PCDHGA9: variants seen among roughly 807,000 people sequenced by gnomAD.
PCDHGA9 encodes the protein protocadherin gamma-A9.
In PCDHGA9, 37 loss-of-function variants were observed where a neutral mutation model predicts 62.5. The ratio of observed to expected loss-of-function variants is 0.59; its 90% CI spans 0.46 to 0.78. PCDHGA9 has a LOEUF of 0.78. Among genes scored for constraint, PCDHGA9 ranks in the 30% least tolerant of loss-of-function variants. The pLI is 0.00. For missense variants in PCDHGA9, 1,138 were observed against 1,166.2 expected (o/e 0.98, Z 0.35); for synonymous variants, 459 against 484.6 (o/e 0.95, Z 0.69).
Position 141,485,609 on chromosome 5 carries a change from G to C in PCDHGA9, c.2425-9198G>C, listed in dbSNP as rs1432367043. On this transcript the variant is annotated intron_variant, in intron 1 of 3. Coordinates refer to ENST00000573521, the MANE Select transcript of PCDHGA9 (RefSeq NM_018921.3). The surrounding 1 kb of genome is among the most constrained non-coding windows in gnomAD (Gnocchi z 5.7). ...GCTGGACTTGGAAATTGGGGAGGCA[G>C]CTCCTCCAGGACAGCGTTTCCCGTT... The C allele has an allele frequency of 1.2e-6, 2 of 1,612,138 alleles. No homozygotes were observed. Among genetic ancestry groups the C allele is most frequent in the Non-Finnish European group, 1.7e-6 (2 of 1,178,664 alleles).
At chr5:141,419,457 A>AGGCCCGCGACCAGGGCT in intron 1 of PCDHGA9, 2 of 1,612,728 alleles carry the variant, frequency 1.2e-6, no homozygotes, top group Non-Finnish European at 1.7e-6. Context: ...CTCACGCTGC[A>AGGCCCGCGACCAGGGCT]GGCCCGCGAC....
At chr5:141,418,912 ACT>A (rs1457793463) in intron 1 of PCDHGA9, 2 of 1,613,770 alleles carry the variant, frequency 1.2e-6, no homozygotes, top group Non-Finnish European at 1.7e-6. Flanking sequence ...TCATCACGTC[ACT>A]CTCTGATCAG....
At chr5:141,429,329 A>G (rs1561840804) in intron 1 of PCDHGA9, among the ~76,000 whole-genome samples, 1 of 152,122 alleles carries the variant, frequency 6.6e-6, no homozygotes, top group Non-Finnish European at 1.5e-5. Flanking sequence ...TCTTTAATCC[A>G]TTAACTATAA....
intron 1 of PCDHGA9, among the ~76,000 whole-genome samples, chr5:141,457,293 T>A (rs2098916185): frequency 6.6e-6 from 1 of 152,226 alleles, no homozygotes; most frequent in Admixed American, 6.5e-5. Context: ...TTCCTTGGTT[T>A]TATTTTCCCA....
chr5:141,470,488 T>A (rs2099231812), intron 1 of PCDHGA9, among the ~76,000 whole-genome samples: 2 of 152,234 alleles, frequency 1.3e-5, no homozygotes, highest in South Asian at 4.1e-4. Flanking sequence ...CCTCTGGGAA[T>A]AATATTAGGT....
At chr5:141,420,945 G>C in intron 1 of PCDHGA9, 1 of 396,520 alleles carries the variant, frequency 2.5e-6, no homozygotes, top group South Asian at 5.1e-5. Flanking sequence ...ATTTCTTCTG[G>C]AATTTCTTAG....
intron 1 of PCDHGA9, chr5:141,471,553 TG>T (rs1217142933): frequency 6.6e-6 from 1 of 152,224 alleles, no homozygotes; most frequent in African/African-American, 2.4e-5. Flanking sequence ...AAGGTTGCTT[TG>T]ACTCAGGGGT....
chr5:141,465,583 A>G (rs1056902823), intron 1 of PCDHGA9, among the ~76,000 whole-genome samples: 10 of 152,162 alleles, frequency 6.6e-5, no homozygotes, highest in African/African-American at 2.4e-4. Flanking sequence ...ACACTCTCAT[A>G]ATAATCAGAT....
At chr5:141,422,379 C>G (rs2096644662) in intron 1 of PCDHGA9, 1 of 1,576,826 alleles carries the variant, frequency 6.3e-7, no homozygotes, top group East Asian at 2.2e-5. Flanking sequence ...GTCAAGTCTC[C>G]TGTTTTATTC....
At chr5:141,449,450 T>C (rs1269861041) in intron 1 of PCDHGA9, among the ~76,000 whole-genome samples, 2 of 151,216 alleles carry the variant, frequency 1.3e-5, no homozygotes, top group Non-Finnish European at 2.9e-5. Context: ...CTACTAAAAA[T>C]ACAAAAATTA....
At position 141,404,352 on chromosome 5, in the gene PCDHGA9, G is replaced by A. The variant is rs1378093484; in HGVS notation, c.1400G>A (p.Arg467Lys). 1.7e-5 allele frequency: 27 copies of A among 1,613,812 alleles called. No individual in the cohort carries two copies. The South Asian group carries it at 2.9e-4, about 17-fold the overall frequency. The change falls in exon 1 of 4, where the codon AGA becomes AAA. Residue 467 changes from arginine (R) to lysine (K), a missense_variant. Coordinates refer to ENST00000573521, the MANE Select transcript of PCDHGA9 (RefSeq NM_018921.3). ...GTCTACCTCCCGGAAAACAACGCCAGAGGTACTTCCATCTTCTCCGTGATT... is the reference window on the plus strand; with the variant it reads ...GTCTACCTCCCGGAAAACAACGCCAAAGGTACTTCCATCTTCTCCGTGATT... ...YSVYLPENNA[R>K]GTSIFSVIAY...
chr5:141,475,300 T>C (rs1383092136), intron 1 of PCDHGA9, among the ~76,000 whole-genome samples: 3 of 152,332 alleles, frequency 2.0e-5, no homozygotes, highest in South Asian at 2.1e-4. Context: ...AATTTCTTAT[T>C]GCTCCCTGGT....
intron 1 of PCDHGA9, chr5:141,422,585 T>C (rs1193597044): frequency 1.2e-6 from 2 of 1,613,930 alleles, no homozygotes; most frequent in African/African-American, 2.7e-5. Context: ...CCTCCCGTTT[T>C]TCCTCACTCC....
intron 1 of PCDHGA9, chr5:141,410,442 C>T (rs1444532577): frequency 6.2e-7 from 1 of 1,613,942 alleles, no homozygotes; most frequent in East Asian, 2.2e-5. Context: ...AGTGAGGGGA[C>T]TTTGCCTTAT....
chr5:141,455,852 T>C (rs2154565235), intron 1 of PCDHGA9, among the ~76,000 whole-genome samples: 1 of 148,622 alleles, frequency 6.7e-6, no homozygotes, highest in South Asian at 2.1e-4. Context: ...CATAAAATAA[T>C]TTCTTTTATT....
intron 1 of PCDHGA9, chr5:141,405,642 T>C (rs2094697537): frequency 1.9e-6 from 1 of 528,606 alleles, no homozygotes; most frequent in Non-Finnish European, 3.3e-6. Flanking sequence ...GCCCGGCTAA[T>C]TTTTTGTGTG....
At chr5:141,422,716 G>T (rs1348237465) in intron 1 of PCDHGA9, 1 of 1,604,378 alleles carries the variant, frequency 6.2e-7, no homozygotes, top group African/African-American at 1.3e-5. Context: ...GGATGACACT[G>T]TCCAGGGGGT....
At chr5:141,474,398 C>A (rs1381347745) in intron 1 of PCDHGA9, among the ~76,000 whole-genome samples, 3 of 152,212 alleles carry the variant, frequency 2.0e-5, no homozygotes, top group Non-Finnish European at 4.4e-5. Context: ...TTCTAACAAG[C>A]TCCCCGGTGA....
intron 1 of PCDHGA9, chr5:141,415,317 G>T (rs778236674): frequency 6.2e-7 from 1 of 1,614,218 alleles, no homozygotes; most frequent in Non-Finnish European, 8.5e-7. Flanking sequence ...TCGTCATCGT[G>T]CTGCTGGCGC....
Sources: allele counts gnomAD v4.1 joint callset (sites outside exome capture counted in the v4.1 genomes callset), GRCh38; gene constraint gnomAD v4.1.1; non-coding constraint Gnocchi (gnomAD v3.1); transcripts MANE v1.5; gene names NCBI Gene and HGNC (gene_info 2026-07-23, HGNC 2026-07-21).